The following C1orf21 variants were observed in gnomAD, a reference collection of about 807,000 sequenced individuals.
C1orf21 encodes uncharacterized protein C1orf21.
A neutral mutation model predicts 18.7 loss-of-function variants in C1orf21; 3 were observed. That is an observed-to-expected ratio of 0.16 (90% CI 0.07 to 0.42). The LOEUF is 0.42. Ranked by LOEUF, C1orf21 falls within the 10% of genes least tolerant of loss-of-function variation. C1orf21 has a pLI of 0.99. For missense variants in C1orf21, 104 were observed against 143.6 expected, an observed-to-expected ratio of 0.72 and a Z score of 1.41; for synonymous variants, 41 against 46.4, an observed-to-expected ratio of 0.88 and a Z score of 0.47.
At chr1:184,524,446 T>C (rs947372841) in intron 3 of C1orf21, among the ~76,000 whole-genome samples, 2 of 152,116 alleles carry the variant, frequency 1.3e-5, no homozygotes, top group Non-Finnish European at 2.9e-5. Context: ...TTTATTATGT[T>C]GCATTTGAAT....
chr1:184,463,802 A>G (rs1281256753), intron 1 of C1orf21, among the ~76,000 whole-genome samples: 2 of 152,246 alleles, frequency 1.3e-5, no homozygotes, highest in Non-Finnish European at 2.9e-5. Context: ...ATAACTGCAG[A>G]CAATTATGAC....
intron 4 of C1orf21, among the ~76,000 whole-genome samples, chr1:184,592,541 G>A (rs893436055): frequency 2.6e-5 from 4 of 152,044 alleles, no homozygotes; most frequent in Admixed American, 6.6e-5. Flanking sequence ...TTATCCCAGC[G>A]GCTACAAATC....
chr1:184,589,462 G>A (rs1343190163), intron 3 of C1orf21, among the ~76,000 whole-genome samples: 1 of 152,214 alleles, frequency 6.6e-6, no homozygotes, highest in South Asian at 2.1e-4. Context: ...TCTGTTGTGA[G>A]TGCATTCGGG....
At chr1:184,492,690 G>T (rs1657833427) in intron 2 of C1orf21, among the ~76,000 whole-genome samples, 1 of 152,190 alleles carries the variant, frequency 6.6e-6, no homozygotes, top group Non-Finnish European at 1.5e-5. Context: ...TGGCTGGCTG[G>T]TTTGTAAATT....
At position 184,590,354 on chromosome 1, in the gene C1orf21, A is replaced by G. The variant is rs543640365; in HGVS notation, c.190-385A>G. Among the ~76,000 whole-genome samples, 213 of 152,334 alleles carry G rather than the reference A, an allele frequency of 1.4e-3. 1 individual carries two copies. The highest frequency in any genetic ancestry group is 3.4e-3 in the Middle Eastern group (1 of 294). On this transcript the variant is annotated intron_variant, in intron 3 of 5. Coordinates refer to ENST00000235307, the MANE Select transcript of C1orf21 (RefSeq NM_030806.4). The stretch of plus-strand genomic sequence containing the variant: ...ATCTCAGTAAGTGCAGTTGTCTTTT[A>G]CAAATAAATTGCACGGAAGTCAGTT...
chr1:184,478,535 C>T (rs1019794744), intron 2 of C1orf21, among the ~76,000 whole-genome samples: 3 of 152,154 alleles, frequency 2.0e-5, no homozygotes, highest in African/African-American at 4.8e-5. Context: ...TTGAGACAAC[C>T]GTCAGGAGGT....
chr1:184,565,966 A>G (rs1571280170), intron 3 of C1orf21, among the ~76,000 whole-genome samples: 1 of 152,130 alleles, frequency 6.6e-6, no homozygotes. Context: ...CATTTAATGG[A>G]TGGAATGAAA....
chr1:184,490,539 A>G (rs1282322675), intron 2 of C1orf21, among the ~76,000 whole-genome samples: 1 of 152,206 alleles, frequency 6.6e-6, no homozygotes, highest in Admixed American at 6.5e-5. Flanking sequence ...AACTTTAACC[A>G]ACTGGTGGAG....
intron 1 of C1orf21, among the ~76,000 whole-genome samples, chr1:184,407,626 T>A (rs139094148): frequency 1.3e-5 from 2 of 152,218 alleles, no homozygotes; most frequent in East Asian, 3.9e-4. Flanking sequence ...AGAAAATACA[T>A]CACCTTGGAT....
chr1:184,585,044 G>C (rs924549423), intron 3 of C1orf21, among the ~76,000 whole-genome samples: 2 of 152,178 alleles, frequency 1.3e-5, no homozygotes, highest in Non-Finnish European at 2.9e-5. Flanking sequence ...TATAGTTGTA[G>C]TGGGGGAATT....
intron 5 of C1orf21, among the ~76,000 whole-genome samples, chr1:184,613,075 G>A (rs1010045780): frequency 2.6e-5 from 4 of 151,888 alleles, no homozygotes; most frequent in Non-Finnish European, 4.4e-5. Context: ...TCAGCCTCCC[G>A]AGTAGCTGGG....
chr1:184,448,608 TGTG>T (rs1390792640), intron 1 of C1orf21, among the ~76,000 whole-genome samples: 1 of 152,202 alleles, frequency 6.6e-6, no homozygotes, highest in Non-Finnish European at 1.5e-5. Context: ...GCTTTTACCA[TGTG>T]GTGGTGGACT....
intron 1 of C1orf21, among the ~76,000 whole-genome samples, chr1:184,426,359 A>G (rs1656637087): frequency 6.6e-6 from 1 of 152,174 alleles, no homozygotes; most frequent in South Asian, 2.1e-4. Context: ...AAGCACCCTC[A>G]GAGCGATCTT....
intron 3 of C1orf21, among the ~76,000 whole-genome samples, chr1:184,533,618 A>G (rs560465343): frequency 6.6e-6 from 1 of 152,370 alleles, no homozygotes; most frequent in South Asian, 2.1e-4. Context: ...GACAAAGAAT[A>G]AAGTAAAATT....
chr1:184,479,308 ATTTG>A (rs1180516262), intron 2 of C1orf21, among the ~76,000 whole-genome samples: 1 of 152,168 alleles, frequency 6.6e-6, no homozygotes, highest in Non-Finnish European at 1.5e-5. Flanking sequence ...AACATCAGGG[ATTTG>A]TTTAACTTCT....
chr1:184,482,022 A>T (rs1367106524), intron 2 of C1orf21, among the ~76,000 whole-genome samples: 1 of 152,236 alleles, frequency 6.6e-6, no homozygotes, highest in Non-Finnish European at 1.5e-5. Context: ...TGATAGTGAT[A>T]GGCCCACTTT....
chr1:184,390,103 T>C (rs780514373), intron 1 of C1orf21, among the ~76,000 whole-genome samples: 1 of 152,198 alleles, frequency 6.6e-6, no homozygotes, highest in Non-Finnish European at 1.5e-5. Flanking sequence ...AACAGAGAAA[T>C]TGGTGAAACC....
intron 1 of C1orf21, among the ~76,000 whole-genome samples, chr1:184,410,804 T>TACCA (rs58531756): frequency 7.0e-6 from 1 of 142,098 alleles, no homozygotes; most frequent in African/African-American, 2.7e-5. Context: ...TACAGGCGCC[T>TACCA]CCATGCCAGG....
chr1:184,555,915 C>T (rs1036608132), intron 3 of C1orf21, among the ~76,000 whole-genome samples: 1 of 152,196 alleles, frequency 6.6e-6, no homozygotes, highest in Non-Finnish European at 1.5e-5. Context: ...AAAGGGATCC[C>T]TGAGGAGATC....
Sources: allele counts gnomAD v4.1 joint callset (sites outside exome capture counted in the v4.1 genomes callset), GRCh38; gene constraint gnomAD v4.1.1; transcripts MANE v1.5; gene names NCBI Gene and HGNC (gene_info 2026-07-23, HGNC 2026-07-21).